Variants in ZFPM1 observed in about 807,000 individuals in gnomAD.
The protein encoded by ZFPM1 is zinc finger protein, FOG family member 1.
In ZFPM1, 28 loss-of-function variants were observed where a neutral mutation model predicts 46.3. The observed-to-expected ratio is 0.60, with a 90% CI of 0.45 to 0.83. The LOEUF is 0.83. Ranked by LOEUF, ZFPM1 falls within the 40% of genes least tolerant of loss-of-function variation. The pLI, the probability that ZFPM1 is intolerant of heterozygous loss-of-function variation, is 0.00. For missense variants in ZFPM1, 1,878 were observed against 1,432.4 expected (o/e 1.31, Z -5.02); for synonymous variants, 957 against 675.9 (o/e 1.42, Z -6.45).
intron 4 of ZFPM1, among the ~76,000 whole-genome samples, chr16:88,523,994 T>G (rs1912113978): frequency 6.6e-6 from 1 of 152,196 alleles, no homozygotes; most frequent in Non-Finnish European, 1.5e-5. Flanking sequence ...TCAGCACAGT[T>G]GCGGCGCGTG....
chr16:88,452,948 G>T (rs1180748082), upstream of ZFPM1, among the ~76,000 whole-genome samples: 1 of 152,170 alleles, frequency 6.6e-6, no homozygotes, highest in East Asian at 1.9e-4. Flanking sequence ...GGTCTCCCCG[G>T]GGCGCGGGCG....
chr16:88,533,854 C>T lies in ZFPM1; in HGVS notation c.1896C>T (p.Pro632=), dbSNP rs1333788617. The change falls in exon 10 of 10, where the codon CCC becomes CCT. Residue 632 remains proline (P), a synonymous_variant. Transcript: ENST00000319555. ...ARAPPGQPAE[P]DAPRSSPGPG... ...CGCCCCCCGGCCAGCCCGCCGAACC[C>T]GACGCGCCGCGCTCGTCCCCGGGCC... is the stretch of plus-strand genomic sequence containing the variant. 1 of 984,600 alleles carries T rather than the reference C, an allele frequency of 1.0e-6. No individual in the cohort carries two copies. Among genetic ancestry groups the T allele is most frequent in the East Asian group, 1.1e-4 (1 of 8,788 alleles). 61.0% of individuals were successfully genotyped at this position (984,600 alleles called of 1,614,324 possible). A position where few individuals can be genotyped will look rare whatever the true frequency, so the allele number is the denominator to read the frequency against.
At chr16:88,468,490 C>G (rs1010023943) in intron 1 of ZFPM1, among the ~76,000 whole-genome samples, 1 of 152,140 alleles carries the variant, frequency 6.6e-6, no homozygotes, top group African/African-American at 2.4e-5. Flanking sequence ...CCAGCTGTGC[C>G]GGCCTCTTGG....
chr16:88,485,914 A>G, intron 1 of ZFPM1, 25 bp from the exon 2 acceptor site: 1 of 1,610,624 alleles, frequency 6.2e-7, no homozygotes, highest in Non-Finnish European at 8.5e-7. Flanking sequence ...GCTCCTCCCG[A>G]ACCCCCATCG....
At chr16:88,532,484 GGGTTTAAA>G (rs1912868231) in intron 7 of ZFPM1, 122 bp from the exon 8 acceptor site, 2 of 970,126 alleles carry the variant, frequency 2.1e-6, no homozygotes. Context: ...GGAGGAGGAG[GGGTTTAAA>G]GACCCTTCAG....
At chr16:88,494,386 G>A (rs1567538154) in intron 3 of ZFPM1, among the ~76,000 whole-genome samples, 1 of 152,130 alleles carries the variant, frequency 6.6e-6, no homozygotes, top group Non-Finnish European at 1.5e-5. Context: ...GGTGGAAGCC[G>A]GAAGGGATCC....
At chr16:88,477,353 G>T (rs1450101088) in intron 1 of ZFPM1, among the ~76,000 whole-genome samples, 4 of 152,260 alleles carry the variant, frequency 2.6e-5, no homozygotes, top group African/African-American at 9.6e-5. Flanking sequence ...AGCAAGCACA[G>T]ATTTGGGTCA....
At position 88,534,485 on chromosome 16, in the gene ZFPM1, G is replaced by T. The variant is rs1194124273; in HGVS notation, c.2527G>T (p.Ala843Ser). 2.8e-5 allele frequency: 42 copies of T among 1,478,306 alleles called. No homozygotes were observed. Among genetic ancestry groups the T allele is most frequent in the Non-Finnish European group, 3.7e-5 (41 of 1,120,568 alleles). 91.6% of individuals were successfully genotyped at this position (1,478,306 alleles called of 1,614,324 possible). ...LAHKKYSCPA[A>S]PPPGALGLPA... ...GCACAAGAAGTACTCGTGCCCCGCTGCGCCACCGCCCGGCGCGCTCGGCCT... is the reference window on the plus strand; with the variant it reads ...GCACAAGAAGTACTCGTGCCCCGCTTCGCCACCGCCCGGCGCGCTCGGCCT... The change falls in exon 10 of 10, where the codon GCG becomes TCG. Residue 843 changes from alanine to serine, a missense_variant. Physicochemically the swap from Ala to Ser is moderately conservative, Grantham distance 99. Transcript: ENST00000319555.
intron 6 of ZFPM1, among the ~76,000 whole-genome samples, chr16:88,529,061 T>A (rs1428323033): frequency 2.0e-5 from 3 of 152,176 alleles, no homozygotes; most frequent in Non-Finnish European, 2.9e-5. Context: ...AGGAGGACCG[T>A]TTGAGCCCAG....
intron 5 of ZFPM1, among the ~76,000 whole-genome samples, chr16:88,527,232 C>T (rs2142476089): frequency 6.6e-6 from 1 of 152,336 alleles, no homozygotes; most frequent in East Asian, 1.9e-4. Flanking sequence ...TTGGCTGCAC[C>T]TCTGGGAACC....
intron 3 of ZFPM1, among the ~76,000 whole-genome samples, chr16:88,495,350 G>A (rs1035600346): frequency 6.6e-5 from 10 of 152,210 alleles, no homozygotes; most frequent in African/African-American, 1.4e-4. Context: ...ACAGGCCTCC[G>A]CCACCTCCCT....
intron 2 of ZFPM1, among the ~76,000 whole-genome samples, chr16:88,488,165 G>A (rs948771340): frequency 5.3e-5 from 8 of 152,228 alleles, no homozygotes; most frequent in South Asian, 2.1e-4. Context: ...CGCAGGTGCC[G>A]CCGGCAAGCT....
chr16:88,487,885 C>T (rs567510945), intron 2 of ZFPM1, among the ~76,000 whole-genome samples: 82 of 152,332 alleles, frequency 5.4e-4, no homozygotes, highest in African/African-American at 1.9e-3. Context: ...CAGGTGCAGG[C>T]GTCCAGCCCA....
intron 1 of ZFPM1, among the ~76,000 whole-genome samples, chr16:88,465,329 G>C (rs1264128860): frequency 6.6e-6 from 1 of 152,268 alleles, no homozygotes; most frequent in Non-Finnish European, 1.5e-5. Flanking sequence ...ACAGGCCTGC[G>C]GGGAAGCCCT....
chr16:88,465,210 C>G (rs571837312), intron 1 of ZFPM1, among the ~76,000 whole-genome samples: 1 of 152,182 alleles, frequency 6.6e-6, no homozygotes, highest in Non-Finnish European at 1.5e-5. Context: ...CAGCAGGGCC[C>G]GGGCTGGGGA....
chr16:88,491,592 A>G (rs1909578873), intron 3 of ZFPM1, among the ~76,000 whole-genome samples: 3 of 152,192 alleles, frequency 2.0e-5, no homozygotes, highest in Admixed American at 2.0e-4. Context: ...GAGAGGGGTT[A>G]GATCATCCTC....
At chr16:88,476,411 C>T (rs934461526) in intron 1 of ZFPM1, among the ~76,000 whole-genome samples, 4 of 151,942 alleles carry the variant, frequency 2.6e-5, no homozygotes, top group Non-Finnish European at 4.4e-5. Context: ...CGTGAGCATA[C>T]GTGAAGGGAG....
intron 4 of ZFPM1, among the ~76,000 whole-genome samples, chr16:88,520,596 G>A (rs1911777521): frequency 1.1e-5 from 1 of 89,674 alleles, no homozygotes; most frequent in Non-Finnish European, 2.6e-5. Context: ...ATGGGAGGGT[G>A]AGTGGGTGGA....
At chr16:88,526,540 C>CA (rs1912337968) in intron 4 of ZFPM1, among the ~76,000 whole-genome samples, 1 of 152,164 alleles carries the variant, frequency 6.6e-6, no homozygotes, top group Non-Finnish European at 1.5e-5. Context: ...CTTTGGGCCT[C>CA]AGTCTCCACA....
Sources: allele counts gnomAD v4.1 joint callset (sites outside exome capture counted in the v4.1 genomes callset), GRCh38; gene constraint gnomAD v4.1.1; transcripts MANE v1.5; gene names NCBI Gene and HGNC (gene_info 2026-07-23, HGNC 2026-07-21).